MCL1: variants seen among roughly 807,000 people sequenced by gnomAD.
MCL1 encodes induced myeloid leukemia cell differentiation protein Mcl-1.
Under a neutral mutation model 24.2 loss-of-function variants are expected in MCL1, and 4 were observed. That is an observed-to-expected ratio of 0.17 (90% confidence interval 0.08 to 0.38). The LOEUF (loss-of-function observed/expected upper bound fraction) is 0.38. MCL1 is among the 10% of genes least tolerant of loss of function. The pLI is 1.00. For missense variants in MCL1, 529 were observed against 480.3 expected (o/e 1.10, Z -0.95); for synonymous variants, 248 against 214.0 (o/e 1.16, Z -1.39).
rs587619874 is a variant in MCL1, at chr1:150,578,987, T to C, written c.544A>G (p.Ile182Val). The change falls in exon 1 of 3, where the codon ATC becomes GTC. Residue 182 changes from isoleucine to valine, a missense_variant. Ile to Val is a conservative substitution (Grantham distance 29, BLOSUM62 3). Transcript: ENST00000369026. ...DELYRQSLEIISRYLREQATG... is the reference protein window; with the variant it reads ...DELYRQSLEIVSRYLREQATG... ...GCCTGCTCCCGAAGGTACCGAGAGA[T>C]AATCTCCAGCGACTGCCGGTACAAC... 3.1e-6 allele frequency: 5 copies of C among 1,613,630 alleles called. No homozygotes were observed. The South Asian group carries it at 4.4e-5, about 14-fold the overall frequency.
Position 150,579,324 on chromosome 1 carries a change from G to A in MCL1, c.207C>T (p.Leu69=), listed in dbSNP as rs1647975260. The A allele has an allele frequency of 1.4e-6, 2 of 1,475,094 alleles. No individual in the cohort carries two copies. Among genetic ancestry groups the A allele is most frequent in the Non-Finnish European group, 1.8e-6 (2 of 1,120,668 alleles). 91.4% of individuals were successfully genotyped at this position (1,475,094 alleles called of 1,614,324 possible). A position where few individuals can be genotyped will look rare whatever the true frequency, so the allele number is the denominator to read the frequency against. The part of the protein sequence containing the change: ...GSAGASPPST[L]TPDSRRVARP... ...GCGCGACCCTCCGGGAGTCTGGCGT[G>A]AGGGTGGACGGGGGGCTTGCGCCGG... Residue 69 remains leucine (L), a synonymous_variant, in exon 1 of 3, where the codon CTC becomes CTT. Coordinates refer to ENST00000369026, the MANE Select transcript of MCL1 (RefSeq NM_021960.5).
rs587631294 is a variant in MCL1, at chr1:150,574,750, G to A, written c.*2625C>T. The A allele has an allele frequency of 1.5e-4, 36 of 233,150 alleles. No individual in the cohort carries two copies. The highest frequency in any genetic ancestry group is 2.8e-4 in the Non-Finnish European group (33 of 117,700). The allele number at this position is 233,150 out of a possible 1,614,324, so 14.4% of individuals were successfully genotyped here. A position where few individuals can be genotyped will look rare whatever the true frequency, so the allele number is the denominator to read the frequency against. ...TACATGAAACACTAGAGGACTGCAT[G>A]TTTTTCCCTGAGAGAAGCGTAAGAC... On this transcript the variant is annotated 3_prime_UTR_variant, in exon 3 of 3. Coordinates refer to ENST00000369026, the MANE Select transcript of MCL1 (RefSeq NM_021960.5).
Position 150,579,141 on chromosome 1 carries a change from C to A in MCL1, c.390G>T (p.Glu130Asp), listed in dbSNP as rs780780459. ...MSPEEELDGY[E>D]PEPLGKRPAV... ...CCGGCCGCTTCCCGAGAGGCTCCGGCTCGTACCCGTCCAGCTCCTCTTCGG... is the reference window on the plus strand; with the variant it reads ...CCGGCCGCTTCCCGAGAGGCTCCGGATCGTACCCGTCCAGCTCCTCTTCGG... Residue 130 changes from glutamate (E) to aspartate (D), a missense_variant, in exon 1 of 3, where the codon GAG becomes GAT. By Grantham distance (45) the Glu-to-Asp change is conservative (BLOSUM62 2). Transcript: ENST00000369026. 13 of 1,612,218 alleles carry A rather than the reference C, an allele frequency of 8.1e-6. No homozygotes were observed. The Admixed American group carries it at 2.2e-4, about 27-fold the overall frequency.
At position 150,578,432 on chromosome 1, in the gene MCL1, T is replaced by C; in HGVS notation, c.748A>G (p.Met250Val). Residue 250 changes from methionine to valine, a missense_variant, in exon 2 of 3, where the codon ATG (methionine) becomes GTG (valine). Coordinates refer to ENST00000369026, the MANE Select transcript of MCL1 (RefSeq NM_021960.5). The stretch of plus-strand genomic sequence containing the variant: ...ACGCCGTCGCTGAAAACATGGATCA[T>C]CACTCGAGACAACGATTTCACATCG... ...EDDVKSLSRV[M>V]IHVFSDGVTN... is the part of the protein sequence containing the mutation. The C allele has an allele frequency of 6.2e-7, 1 of 1,614,198 alleles. No individual in the cohort carries two copies. Among genetic ancestry groups the C allele is most frequent in the Non-Finnish European group, 8.5e-7 (1 of 1,180,006 alleles).
Position 150,577,386 on chromosome 1 carries a change from G to A in MCL1, c.1042C>T (p.Leu348=), listed in dbSNP as rs1411709326. 6.8e-6 allele frequency: 11 copies of A among 1,613,504 alleles called. No individual in the cohort carries two copies. Among genetic ancestry groups the A allele is most frequent in the African/African-American group, 4.0e-5 (3 of 74,876 alleles). Reference sequence around the variant, plus strand: ...CACTTACAGTAAGGCTATCTTATTAGATATGCCAAACCAGCTCCTACTCCA... The same window carrying A: ...CACTTACAGTAAGGCTATCTTATTAAATATGCCAAACCAGCTCCTACTCCA... The part of the protein sequence containing the change: ...VAGVGAGLAY[L]IR The change falls in exon 3 of 3, where the codon CTA becomes TTA. Residue 348 remains leucine (L), a synonymous_variant. Coordinates refer to ENST00000369026, the MANE Select transcript of MCL1 (RefSeq NM_021960.5).
intron 1 of MCL1, 95 bp downstream of exon 1, chr1:150,578,748 G>T: frequency 7.5e-7 from 1 of 1,331,250 alleles, no homozygotes; most frequent in South Asian, 1.4e-5. Flanking sequence ...TTTCAACACT[G>T]ACTCGTTTCG....
In MCL1 at chr1:150,575,311, A is replaced by G. The variant is rs587615689; in HGVS notation, c.*2064T>C. The G allele has an allele frequency of 8.6e-6, 2 of 233,292 alleles. No individual in the cohort carries two copies. The highest frequency in any genetic ancestry group is 3.6e-4 in the South Asian group (2 of 5,518). 14.5% of individuals were successfully genotyped at this position (233,292 alleles called of 1,614,324 possible). A position where few individuals can be genotyped will look rare whatever the true frequency, so the allele number is the denominator to read the frequency against. On this transcript the variant is annotated 3_prime_UTR_variant, in exon 3 of 3. Transcript: ENST00000369026. ...ATTCTTAGTCATCTTATTCATACCT[A>G]TTTTTAAATGGAGTCCACAGACTAA...
rs1320297360 is a variant in MCL1, at chr1:150,579,015, G to C, written c.516C>G (p.Asp172Glu). The C allele has an allele frequency of 7.4e-6, 12 of 1,613,558 alleles. 1 individual carries two copies. Among genetic ancestry groups the C allele is most frequent in the South Asian group, 3.3e-5 (3 of 91,072 alleles). ...STPPPAEEEE[D>E]ELYRQSLEII... ...TCTCCAGCGACTGCCGGTACAACTCGTCCTCCTCCTCCTCTGCTGGCGGCG... is the reference window on the plus strand; with the variant it reads ...TCTCCAGCGACTGCCGGTACAACTCCTCCTCCTCCTCCTCTGCTGGCGGCG... The change falls in exon 1 of 3, where the codon GAC (aspartate) becomes GAG (glutamate). Residue 172 changes from aspartate to glutamate, a missense_variant. Physicochemically the swap from Asp to Glu is conservative, Grantham distance 45. Transcript: ENST00000369026.
In MCL1 at chr1:150,576,802, A is replaced by G. The variant is rs1647826581; in HGVS notation, c.*573T>C. On this transcript the variant is annotated 3_prime_UTR_variant, in exon 3 of 3. Transcript: ENST00000369026. ...AAACTAGGCTAATAAAGTAAGAATC[A>G]TGGAAACCAAGCCAAAGTATAACAG... 1 of 232,764 alleles carries G rather than the reference A, an allele frequency of 4.3e-6. No homozygotes were observed. 14.4% of individuals were successfully genotyped at this position (232,764 alleles called of 1,614,324 possible). A position where few individuals can be genotyped will look rare whatever the true frequency, so the allele number is the denominator to read the frequency against.
rs1647947263 is a variant in MCL1, at chr1:150,578,976, G to A, written c.555C>T (p.Tyr185=). The change falls in exon 1 of 3, where the codon TAC becomes TAT. Residue 185 remains tyrosine (Y), a synonymous_variant. Transcript: ENST00000369026. The stretch of plus-strand genomic sequence containing the variant: ...TGGCGCCGGTGGCCTGCTCCCGAAG[G>A]TACCGAGAGATAATCTCCAGCGACT... ...YRQSLEIISR[Y]LREQATGAKD... 1 of 1,613,642 alleles carries A rather than the reference G, an allele frequency of 6.2e-7. No homozygotes were observed.
In MCL1 at chr1:150,577,390, T is replaced by A. The variant is rs781152860; in HGVS notation, c.1038A>T (p.Ala346=). The A allele has an allele frequency of 6.2e-7, 1 of 1,613,810 alleles. No homozygotes were observed. Among genetic ancestry groups the A allele is most frequent in the African/African-American group, 1.3e-5 (1 of 75,004 alleles). ...AGVAGVGAGL[A]YLIR is the part of the protein sequence containing the mutation. ...TACAGTAAGGCTATCTTATTAGATA[T>A]GCCAAACCAGCTCCTACTCCAGCAA... Residue 346 remains alanine, a synonymous_variant, in exon 3 of 3, where the codon GCA becomes GCT. Transcript: ENST00000369026.
intron 2 of MCL1, among the ~76,000 whole-genome samples, chr1:150,578,042 T>C (rs1647886576): frequency 6.6e-6 from 1 of 152,216 alleles, no homozygotes; most frequent in Non-Finnish European, 1.5e-5. Context: ...AAAACCAAGA[T>C]TTTTGATACA....
intron 1 of MCL1, 48 bp from the exon 2 acceptor site, chr1:150,578,539 C>CGGCGCA (rs773231711): frequency 6.2e-7 from 1 of 1,602,554 alleles, no homozygotes; most frequent in South Asian, 1.1e-5. Flanking sequence ...TTGTCTAAAC[C>CGGCGCA]GGCGCAAGAT....
rs2101699806 is a variant in MCL1 at position 150,579,278 on chromosome 1, C to T, written c.253G>A (p.Glu85Lys). The T allele has an allele frequency of 1.3e-6, 2 of 1,484,740 alleles. No homozygotes were observed. Among genetic ancestry groups the T allele is most frequent in the East Asian group, 2.4e-5 (1 of 41,030 alleles). 92.0% of individuals were successfully genotyped at this position (1,484,740 alleles called of 1,614,324 possible). The change falls in exon 1 of 3, where the codon GAG (glutamate) becomes AAG (lysine). Residue 85 changes from glutamate to lysine, a missense_variant. Physicochemically the swap from Glu to Lys is moderately conservative, Grantham distance 56. Transcript: ENST00000369026. ...RVARPPPIGA[E>K]VPDVTATPAR... ...GGGGTCGCGGTGACGTCGGGGACCTCGGCGCCAATGGGCGGCGGCCGCGCG... is the reference window on the plus strand; with the variant it reads ...GGGGTCGCGGTGACGTCGGGGACCTTGGCGCCAATGGGCGGCGGCCGCGCG...
Position 150,578,962 on chromosome 1 carries a change from G to C in MCL1, c.569C>G (p.Ala190Gly). The part of the protein sequence containing the change: ...EIISRYLREQ[A>G]TGAKDTKPMG... ...TGGCTTTGTGTCCTTGGCGCCGGTG[G>C]CCTGCTCCCGAAGGTACCGAGAGAT... is the stretch of plus-strand genomic sequence containing the variant. Residue 190 changes from alanine (A) to glycine (G), a missense_variant, in exon 1 of 3, where the codon GCC becomes GGC. Physicochemically the swap from Ala to Gly is moderately conservative, Grantham distance 60 (BLOSUM62 0). Coordinates refer to ENST00000369026, the MANE Select transcript of MCL1 (RefSeq NM_021960.5). 3 of 1,613,670 alleles carry C rather than the reference G, an allele frequency of 1.9e-6. No homozygotes were observed. Among genetic ancestry groups the C allele is most frequent in the Non-Finnish European group, 2.5e-6 (3 of 1,180,034 alleles).
rs995900041 is a variant in MCL1, at chr1:150,579,411, C to T, written c.120G>A (p.Lys40=). 3.2e-6 allele frequency: 5 copies of T among 1,577,882 alleles called. No individual in the cohort carries two copies. The highest frequency in any genetic ancestry group is 4.3e-6 in the Non-Finnish European group (5 of 1,165,820). The change falls in exon 1 of 3, where the codon AAG becomes AAA. Residue 40 remains lysine, a synonymous_variant. Transcript: ENST00000369026. ...RPGGRLLATE[K]EASARREIGG... Reference sequence around the variant, plus strand: ...CTATCTCTCGCCGGGCCGAGGCCTCCTTCTCCGTAGCCAAAAGTCGCCCTC... The same window carrying T: ...CTATCTCTCGCCGGGCCGAGGCCTCTTTCTCCGTAGCCAAAAGTCGCCCTC...
In MCL1 at chr1:150,577,358, T is replaced by C. The variant is rs1006737391; in HGVS notation, c.*17A>G. ...GTGGTGGTTGGTTAAAAGTCAACTA[T>C]TGCACTTACAGTAAGGCTATCTTAT... On this transcript the variant is annotated 3_prime_UTR_variant, in exon 3 of 3. Coordinates refer to ENST00000369026, the MANE Select transcript of MCL1 (RefSeq NM_021960.5). The C allele has an allele frequency of 1.9e-5, 31 of 1,610,014 alleles. No homozygotes were observed. Among genetic ancestry groups the C allele is most frequent in the Middle Eastern group, 1.6e-4 (1 of 6,066 alleles).
In MCL1 at chr1:150,577,310, T is replaced by A; in HGVS notation, c.*65A>T. On this transcript the variant is annotated 3_prime_UTR_variant, in exon 3 of 3. Coordinates refer to ENST00000369026, the MANE Select transcript of MCL1 (RefSeq NM_021960.5). ...AGGAAGTTACAGCTTGGAGTCCAAC[T>A]GCATAAACTGGTTTTGGTGGTGGTG... is the stretch of plus-strand genomic sequence containing the variant. 1 of 1,582,238 alleles carries A rather than the reference T, an allele frequency of 6.3e-7. No homozygotes were observed. The highest frequency in any genetic ancestry group is 2.3e-5 in the East Asian group (1 of 44,344).
intron 2 of MCL1, 104 bp downstream of exon 2, chr1:150,578,140 A>C: frequency 1.6e-6 from 2 of 1,279,924 alleles, no homozygotes; most frequent in Non-Finnish European, 2.2e-6. Flanking sequence ...GAGCCTGCAA[A>C]CAGCCGTGCG....
Sources: gnomAD v4.1 joint callset for allele counts (sites outside exome capture counted in the v4.1 genomes callset) on GRCh38, gnomAD v4.1.1 for gene constraint, MANE v1.5 for transcripts, NCBI Gene and HGNC (gene_info 2026-07-23, HGNC 2026-07-21) for gene names.